GNAO1: variants seen among roughly 807,000 people sequenced by gnomAD.
GNAO1 encodes the protein guanine nucleotide-binding protein G(o) subunit alpha.
For missense variants in GNAO1, 166 were observed against 478.7 expected (o/e 0.35, Z 6.10); for synonymous variants, 164 against 180.7 (o/e 0.91, Z 0.74).
rs553420088 is a variant in GNAO1 at position 56,298,757 on chromosome 16, C to CA, written c.303+22693dup. Among the ~76,000 whole-genome samples, 188 of 151,266 alleles carry CA rather than the reference C, an allele frequency of 1.2e-3. 1 individual carries two copies. The highest frequency in any genetic ancestry group is 4.3e-3 in the African/African-American group (178 of 41,246). On this transcript the variant is annotated intron_variant, in intron 3 of 8. Transcript: ENST00000262493. ...GAAACCCCATGTCTACTAAAAAATA[C>CA]AAAAAAAATTAACTGGGCATGGTGG...
chr16:56,346,320 C>T (rs1262100749), intron 6 of GNAO1: 1 of 985,430 alleles, frequency 1.0e-6, no homozygotes. Flanking sequence ...TTGCGAGTGA[C>T]ACGTGTGGGT....
chr16:56,232,133 C>A (rs1187443486), intron 2 of GNAO1, among the ~76,000 whole-genome samples: 2 of 152,158 alleles, frequency 1.3e-5, no homozygotes, highest in Non-Finnish European at 2.9e-5. Context: ...AAAAATGTTT[C>A]CTTTACTATT....
At chr16:56,260,680 C>A (rs1229155893) in intron 2 of GNAO1, among the ~76,000 whole-genome samples, 4 of 149,044 alleles carry the variant, frequency 2.7e-5, no homozygotes, top group African/African-American at 1.0e-4. Context: ...TGTGGAAGCC[C>A]ACAAAGTGAT....
rs1404861574 is a variant in GNAO1 at position 56,254,574 on chromosome 16, T to G, written c.162-21357T>G. 2.0e-5 allele frequency among the ~76,000 whole-genome samples: 3 copies of G among 152,144 alleles called. No individual in the cohort carries two copies. The East Asian group carries it at 5.8e-4, about 29-fold the overall frequency. On this transcript the variant is annotated intron_variant, in intron 2 of 8. Coordinates refer to ENST00000262493, the MANE Select transcript of GNAO1 (RefSeq NM_020988.3). ...TTCTGTATACCTTTATTTTAATCAG[T>G]TTTCTTATAAACAGCATGCACCTGG...
chr16:56,247,825 G>C (rs1232193627), intron 2 of GNAO1, among the ~76,000 whole-genome samples: 1 of 152,170 alleles, frequency 6.6e-6, no homozygotes, highest in Admixed American at 6.5e-5. Flanking sequence ...TGCTTCCTGG[G>C]GCAGAAAGTT....
chr16:56,328,806 G>C lies in GNAO1; in HGVS notation c.464+15G>C, dbSNP rs770008390. The C allele has an allele frequency of 6.2e-7, 1 of 1,613,042 alleles. No individual in the cohort carries two copies. The highest frequency in any genetic ancestry group is 1.1e-5 in the South Asian group (1 of 91,024). The stretch of plus-strand genomic sequence containing the variant: ...TCTGCCAAATAGTGAGTGTCCCAGC[G>C]GGCGCATGGCCTGGAGCCGGGCAGT... On this transcript the variant is annotated intron_variant, in intron 4 of 8. Coordinates refer to ENST00000262493, the MANE Select transcript of GNAO1 (RefSeq NM_020988.3).
intron 2 of GNAO1, among the ~76,000 whole-genome samples, chr16:56,216,536 C>T (rs1221556445): frequency 6.6e-6 from 1 of 152,242 alleles, no homozygotes; most frequent in Non-Finnish European, 1.5e-5. Context: ...TGGCACAAAC[C>T]TGCCTGCCAT....
intron 2 of GNAO1, among the ~76,000 whole-genome samples, chr16:56,259,507 G>A (rs1226042721): frequency 6.6e-6 from 1 of 152,226 alleles, no homozygotes; most frequent in African/African-American, 2.4e-5. Flanking sequence ...AGTGTCTTGG[G>A]ACAGTTGTCT....
At chr16:56,256,220 A>G (rs2036844892) in intron 2 of GNAO1, among the ~76,000 whole-genome samples, 1 of 151,848 alleles carries the variant, frequency 6.6e-6, no homozygotes, top group Non-Finnish European at 1.5e-5. Context: ...CCACCAGTCT[A>G]CTCCTGAGAC....
intron 2 of GNAO1, among the ~76,000 whole-genome samples, chr16:56,230,583 T>C (rs1397284872): frequency 1.3e-5 from 2 of 152,236 alleles, no homozygotes; most frequent in African/African-American, 2.4e-5. Flanking sequence ...ACCTGTGTTC[T>C]GGTGTGGTAT....
At chr16:56,224,408 C>T (rs2036516647) in intron 2 of GNAO1, among the ~76,000 whole-genome samples, 1 of 152,192 alleles carries the variant, frequency 6.6e-6, no homozygotes, top group Non-Finnish European at 1.5e-5. Context: ...CCATGGCCCA[C>T]TCATGCCCAT....
chr16:56,223,692 C>T (rs1320671125), intron 2 of GNAO1, among the ~76,000 whole-genome samples: 2 of 152,128 alleles, frequency 1.3e-5, no homozygotes, highest in Non-Finnish European at 2.9e-5. Context: ...GGATGTGGAA[C>T]CCCTCATAGC....
At position 56,346,140 on chromosome 16, in the gene GNAO1, C is replaced by A. The variant is rs981965761; in HGVS notation, c.724-5244C>A. The A allele has an allele frequency of 5.1e-6, 5 of 985,456 alleles. No individual in the cohort carries two copies. In the East Asian group the frequency reaches 5.7e-4, roughly 112 times the overall value. 61.0% of individuals were successfully genotyped at this position (985,456 alleles called of 1,614,324 possible). On this transcript the variant is annotated intron_variant, in intron 6 of 8. Transcript: ENST00000262493. ...TCTTGCACTGCTCTCAATCCTCCCA[C>A]CCTAGCCTGGGGGTGGTCCTTGGTC...
chr16:56,350,853 A>G (rs1330625672), intron 6 of GNAO1, among the ~76,000 whole-genome samples: 3 of 152,158 alleles, frequency 2.0e-5, no homozygotes, highest in Non-Finnish European at 2.9e-5. Flanking sequence ...GGAAGGGCCA[A>G]AGCCCAGCTC....
chr16:56,211,589 A>G (rs1441056957), intron 2 of GNAO1, among the ~76,000 whole-genome samples: 2 of 152,162 alleles, frequency 1.3e-5, no homozygotes, highest in Non-Finnish European at 2.9e-5. Flanking sequence ...CCTTCTACAT[A>G]GTTCCCTCCC....
At chr16:56,227,712 A>AAAAAAT (rs869037372) in intron 2 of GNAO1, among the ~76,000 whole-genome samples, 1 of 148,154 alleles carries the variant, frequency 6.7e-6, no homozygotes, top group African/African-American at 2.5e-5. Flanking sequence ...AAAAAAAAAA[A>AAAAAAT]GAATTATGGT....
At chr16:56,239,526 G>A (rs1381682276) in intron 2 of GNAO1, among the ~76,000 whole-genome samples, 1 of 152,180 alleles carries the variant, frequency 6.6e-6, no homozygotes, top group East Asian at 1.9e-4. Context: ...AGCCCACAGG[G>A]ACTGACAAGG....
At chr16:56,258,736 C>T (rs1226184691) in intron 2 of GNAO1, among the ~76,000 whole-genome samples, 8 of 152,230 alleles carry the variant, frequency 5.3e-5, no homozygotes, top group East Asian at 1.9e-4. Context: ...TGTTACAGAG[C>T]GCTTCCCAAG....
intron 3 of GNAO1, among the ~76,000 whole-genome samples, chr16:56,317,938 C>T (rs1027282172): frequency 7.2e-5 from 11 of 152,168 alleles, no homozygotes; most frequent in Non-Finnish European, 1.3e-4. Flanking sequence ...GTTCTGTAGG[C>T]GCAGGCCTTG....
Sources: gnomAD v4.1 joint callset for allele counts (sites outside exome capture counted in the v4.1 genomes callset) on GRCh38, gnomAD v4.1.1 for gene constraint, MANE v1.5 for transcripts, NCBI Gene and HGNC (gene_info 2026-07-23, HGNC 2026-07-21) for gene names.